DKK3: variants seen among roughly 807,000 people sequenced by gnomAD.
DKK3 encodes dickkopf-related protein 3.
DKK3 carries 22 observed loss-of-function variants against 33.2 expected under a neutral mutation model. The ratio of observed to expected loss-of-function variants is 0.66; its 90% CI spans 0.47 to 0.95. The LOEUF (loss-of-function observed/expected upper bound fraction) is 0.95, where lower values mean the gene tolerates loss of function less well. Among genes scored for constraint, DKK3 ranks in the 40% least tolerant of loss-of-function variants. The probability of loss-of-function intolerance (pLI) is 0.00; values close to 1 mark genes in which losing one functional copy is unlikely to be tolerated. For synonymous variants in DKK3, 194 were observed against 188.8 expected (o/e 1.03, Z -0.23); for missense variants, 398 against 458.4 (o/e 0.87, Z 1.20).
rs540823077 is a variant in DKK3 at position 11,986,169 on chromosome 11, T to G, written c.435+12527A>C. ...CGCCATCTTCAAGCCAGGGTGTTTT[T>G]CTATCCTAGCCACTACTCTTTTGTT... On this transcript the variant is annotated intron_variant, in intron 3 of 6. Coordinates refer to ENST00000683431, the MANE Select transcript of DKK3 (RefSeq NM_001018057.2). 2.0e-5 allele frequency among the ~76,000 whole-genome samples: 3 copies of G among 152,274 alleles called. No individual in the cohort carries two copies. In the South Asian group the frequency reaches 6.2e-4, roughly 32 times the overall value.
intron 3 of DKK3, among the ~76,000 whole-genome samples, chr11:11,969,803 C>T (rs909520487): frequency 5.3e-5 from 8 of 152,214 alleles, no homozygotes; most frequent in African/African-American, 1.7e-4. Flanking sequence ...CAAGTGCTGG[C>T]GGCCCAGCAA....
intron 3 of DKK3, among the ~76,000 whole-genome samples, chr11:11,987,257 T>C (rs1455696506): frequency 3.3e-5 from 5 of 152,152 alleles, no homozygotes; most frequent in Non-Finnish European, 5.9e-5. Flanking sequence ...AGGTGGCCCA[T>C]CCTCTCAATT....
chr11:12,009,258 A>G, upstream of DKK3: 6 of 984,182 alleles, frequency 6.1e-6, no homozygotes, highest in Non-Finnish European at 7.2e-6. Flanking sequence ...CAGATGCGGG[A>G]GCGGCGCGGT....
intron 3 of DKK3, chr11:11,998,461 G>T: frequency 1.7e-6 from 1 of 598,164 alleles, no homozygotes. Context: ...CCATGCAAAT[G>T]ACCACTCAAT....
chr11:11,966,829 A>G, intron 5 of DKK3, 125 bp downstream of exon 5: 3 of 1,361,094 alleles, frequency 2.2e-6, no homozygotes, highest in Non-Finnish European at 2.0e-6. Flanking sequence ...ACTGATGAGC[A>G]TTTGGGAGCC....
chr11:11,996,365 CT>C (rs1195591764), intron 3 of DKK3, among the ~76,000 whole-genome samples: 2 of 152,212 alleles, frequency 1.3e-5, no homozygotes, highest in Admixed American at 1.3e-4. Flanking sequence ...CCTAGGTCAA[CT>C]GTGCCCAGGA....
At chr11:11,970,615 G>C (rs1055101061) in intron 3 of DKK3, among the ~76,000 whole-genome samples, 1 of 152,216 alleles carries the variant, frequency 6.6e-6, no homozygotes, top group African/African-American at 2.4e-5. Flanking sequence ...TGAAGGTAGG[G>C]AGCGCACTCT....
rs934338785 is a variant in DKK3, at chr11:12,002,192, T to C, written c.351+108A>G. The C allele has an allele frequency of 1.1e-5, 13 of 1,183,444 alleles. No individual in the cohort carries two copies. In the African/African-American group the frequency reaches 2.0e-4, roughly 18 times the overall value. 73.3% of individuals were successfully genotyped at this position (1,183,444 alleles called of 1,614,324 possible). A position where few individuals can be genotyped will look rare whatever the true frequency, so the allele number is the denominator to read the frequency against. On this transcript the variant is annotated intron_variant, in intron 2 of 6. Coordinates refer to ENST00000683431, the MANE Select transcript of DKK3 (RefSeq NM_001018057.2). The stretch of plus-strand genomic sequence containing the variant: ...CAATCCGTATTTTATGATTCTCAAT[T>C]GTAGTTTGGGCTTGTATATCACATA...
chr11:11,974,948 A>T (rs886756756), intron 3 of DKK3, among the ~76,000 whole-genome samples: 1 of 152,134 alleles, frequency 6.6e-6, no homozygotes, highest in Non-Finnish European at 1.5e-5. Flanking sequence ...CAGTAGATGA[A>T]CCACTGGTCA....
chr11:12,002,172 C>A lies in DKK3; in HGVS notation c.351+128G>T, dbSNP rs544192769. On this transcript the variant is annotated intron_variant, in intron 2 of 6. Transcript: ENST00000683431. ...ACATTACTCCTTCTGGTTTTCAATC[C>A]GTATTTTATGATTCTCAATTGTAGT... 10 of 1,047,316 alleles carry A rather than the reference C, an allele frequency of 9.5e-6. No individual in the cohort carries two copies. In the East Asian group the frequency reaches 1.8e-4, roughly 19 times the overall value. The allele number at this position is 1,047,316 out of a possible 1,614,324, so 64.9% of individuals were successfully genotyped here.
chr11:12,007,201 G>A (rs1034525598), intron 1 of DKK3, among the ~76,000 whole-genome samples: 2 of 152,204 alleles, frequency 1.3e-5, no homozygotes, highest in African/African-American at 4.8e-5. Context: ...GCTGCGGGGA[G>A]AAAGCAACTT....
At chr11:11,991,823 C>T (rs1848194336) in intron 3 of DKK3, among the ~76,000 whole-genome samples, 1 of 152,178 alleles carries the variant, frequency 6.6e-6, no homozygotes, top group Admixed American at 6.5e-5. Context: ...TGAGAAGTGC[C>T]TTTGCTTATA....
chr11:11,971,928 G>A (rs1307082602), intron 3 of DKK3, among the ~76,000 whole-genome samples: 2 of 152,122 alleles, frequency 1.3e-5, no homozygotes, highest in Non-Finnish European at 2.9e-5. Flanking sequence ...AAGGAGTGCT[G>A]GTAGGTTAGT....
rs1341887417 is a variant in DKK3, at chr11:11,963,510, G to A, written c.*954C>T. On this transcript the variant is annotated 3_prime_UTR_variant, in exon 7 of 7. Coordinates refer to ENST00000683431, the MANE Select transcript of DKK3 (RefSeq NM_001018057.2). Reference sequence around the variant, plus strand: ...GTTACTAATGCAACTGCCAAAGAGGGACAGTGTCAATATCATTGTCTTCAT... The same window carrying A: ...GTTACTAATGCAACTGCCAAAGAGGAACAGTGTCAATATCATTGTCTTCAT... 6.6e-6 allele frequency: 1 copy of A among 152,246 alleles called. No individual in the cohort carries two copies. The highest frequency in any genetic ancestry group is 2.4e-5 in the African/African-American group (1 of 41,448). 9.4% of individuals were successfully genotyped at this position (152,246 alleles called of 1,614,324 possible).
chr11:11,977,314 C>G (rs1383793595), intron 3 of DKK3, among the ~76,000 whole-genome samples: 1 of 151,986 alleles, frequency 6.6e-6, no homozygotes, highest in Non-Finnish European at 1.5e-5. Context: ...ACAGACAGCT[C>G]CCACCTCCAG....
At chr11:12,004,087 C>T (rs1252728093) in intron 1 of DKK3, among the ~76,000 whole-genome samples, 2 of 152,198 alleles carry the variant, frequency 1.3e-5, no homozygotes, top group African/African-American at 2.4e-5. Flanking sequence ...ATGTCTGAAT[C>T]GTTGCACCAG....
chr11:11,983,823 G>A (rs1044288310), intron 3 of DKK3, among the ~76,000 whole-genome samples: 15 of 152,196 alleles, frequency 9.9e-5, no homozygotes, highest in African/African-American at 2.2e-4. Flanking sequence ...ACCAACCCCC[G>A]ACCCAATGCC....
chr11:11,988,977 C>G (rs1405519770), intron 3 of DKK3, among the ~76,000 whole-genome samples: 1 of 152,198 alleles, frequency 6.6e-6, no homozygotes, highest in South Asian at 2.1e-4. Flanking sequence ...TATCCAAGGA[C>G]AGCAGGGGCC....
intron 3 of DKK3, among the ~76,000 whole-genome samples, chr11:11,978,039 T>G (rs985927188): frequency 4.6e-5 from 7 of 152,228 alleles, no homozygotes; most frequent in African/African-American, 1.7e-4. Context: ...ATGCCTCAAT[T>G]ATTACATGGG....
Sources: gnomAD v4.1 joint callset for allele counts (sites outside exome capture counted in the v4.1 genomes callset) on GRCh38, gnomAD v4.1.1 for gene constraint, MANE v1.5 for transcripts, NCBI Gene and HGNC (gene_info 2026-07-23, HGNC 2026-07-21) for gene names.